TBC1D4: variants seen among roughly 807,000 people sequenced by gnomAD.
TBC1D4 encodes the protein TBC (Tre-2, BUB2, CDC16) domain-containing protein.
TBC1D4 carries 121 observed loss-of-function variants against 142.5 expected under a neutral mutation model. The observed-to-expected ratio is 0.85, with a 90% CI of 0.73 to 0.99. TBC1D4 has a LOEUF of 0.99. Ranked by LOEUF, TBC1D4 falls within the 50% of genes least tolerant of loss-of-function variation. TBC1D4 has a pLI of 0.00. For synonymous variants in TBC1D4, 630 were observed against 628.2 expected, an observed-to-expected ratio of 1.00 and a Z score of -0.04; for missense variants, 1,475 against 1,606.6, an observed-to-expected ratio of 0.92 and a Z score of 1.40.
chr13:75,393,116 TAC>T (rs34205789), intron 1 of TBC1D4, among the ~76,000 whole-genome samples: 29,400 of 141,178 alleles, frequency 0.21, 2,991 homozygotes, highest in Middle Eastern at 0.27. Context: ...TAAATTAAAA[TAC>T]ACACACACAC....
intron 8 of TBC1D4, among the ~76,000 whole-genome samples, chr13:75,334,465 TATATA>T (rs67360637): frequency 0.34 from 52,160 of 151,612 alleles, 9,757 homozygotes; most frequent in Non-Finnish European, 0.43. Context: ...TATGATTGTA[TATATA>T]ATATGTCTAT....
At chr13:75,390,732 A>T (rs1884428168) in intron 1 of TBC1D4, among the ~76,000 whole-genome samples, 1 of 152,004 alleles carries the variant, frequency 6.6e-6, no homozygotes, top group African/African-American at 2.4e-5. Flanking sequence ...AAGGAATATA[A>T]GGCAGCAATT....
intron 16 of TBC1D4, among the ~76,000 whole-genome samples, chr13:75,300,656 C>G (rs891464786): frequency 2.6e-5 from 4 of 152,198 alleles, no homozygotes; most frequent in Admixed American, 2.0e-4. Context: ...GTTTTACTTT[C>G]TCACTTAAAA....
At chr13:75,318,846 A>G (rs551302967) in intron 12 of TBC1D4, among the ~76,000 whole-genome samples, 34 of 152,218 alleles carry the variant, frequency 2.2e-4, no homozygotes, top group Non-Finnish European at 4.3e-4. Context: ...TTTTAAGAAA[A>G]TAAGTTTAGT....
rs1278834198 is a variant in TBC1D4, at chr13:75,285,527, G to C, written c.*1265C>G. The C allele has an allele frequency of 6.6e-6, 1 of 152,584 alleles. No homozygotes were observed. The highest frequency in any genetic ancestry group is 1.5e-5 in the Non-Finnish European group (1 of 68,034). 9.5% of individuals were successfully genotyped at this position (152,584 alleles called of 1,614,324 possible). ...CTTTCCTTGCCTATACCCAGCATGC[G>C]TGAATGTCATCTAATGAGCTATTTG... On this transcript the variant is annotated 3_prime_UTR_variant, in exon 21 of 21. Transcript: ENST00000377636.
At chr13:75,358,052 A>G (rs1402555278) in intron 3 of TBC1D4, among the ~76,000 whole-genome samples, 1 of 150,922 alleles carries the variant, frequency 6.6e-6, no homozygotes, top group Admixed American at 6.6e-5. Context: ...TCTCACCAGG[A>G]GGCTTGAGGA....
chr13:75,405,806 A>C (rs1025931226), intron 1 of TBC1D4, among the ~76,000 whole-genome samples: 1 of 143,276 alleles, frequency 7.0e-6, no homozygotes, highest in Admixed American at 7.5e-5. Flanking sequence ...GTACAAAATA[A>C]AGCACAGTTT....
In TBC1D4 at chr13:75,289,239, CA is replaced by C. The variant is rs76337242; in HGVS notation, c.3487-130del. On this transcript the variant is annotated intron_variant, in intron 19 of 20. Coordinates refer to ENST00000377636, the MANE Select transcript of TBC1D4 (RefSeq NM_014832.5). Reference sequence around the variant, plus strand: ...TGAAGAACATTAAAGCATAAAAAAGCAAAAAAAAAGTGTAACTGTCAATACA... The same window carrying C: ...TGAAGAACATTAAAGCATAAAAAAGCAAAAAAAAGTGTAACTGTCAATACA... 7.4e-3 allele frequency: 7,797 copies of C among 1,053,676 alleles called. 248 individuals carry two copies. The African/African-American group carries it at 0.082, about 11-fold the overall frequency. The allele number at this position is 1,053,676 out of a possible 1,614,324, so 65.3% of individuals were successfully genotyped here. A position where few individuals can be genotyped will look rare whatever the true frequency, so the allele number is the denominator to read the frequency against.
intron 11 of TBC1D4, among the ~76,000 whole-genome samples, chr13:75,320,725 T>C (rs1878679504): frequency 6.6e-6 from 1 of 151,756 alleles, no homozygotes; most frequent in African/African-American, 2.4e-5. Context: ...ATAATGTGCT[T>C]TTAAAAAAGT....
At chr13:75,359,242 C>T (rs1013773338) in intron 3 of TBC1D4, among the ~76,000 whole-genome samples, 1 of 152,042 alleles carries the variant, frequency 6.6e-6, no homozygotes, top group East Asian at 1.9e-4. Context: ...ACATAATTGG[C>T]TGTATTATTT....
At chr13:75,293,690 T>C (rs1177625917) in intron 18 of TBC1D4, among the ~76,000 whole-genome samples, 1 of 152,232 alleles carries the variant, frequency 6.6e-6, no homozygotes, top group African/African-American at 2.4e-5. Context: ...CTTTACTCTT[T>C]TGCTGCATTT....
intron 1 of TBC1D4, among the ~76,000 whole-genome samples, chr13:75,363,954 G>A (rs1882741017): frequency 6.6e-6 from 1 of 152,220 alleles, no homozygotes; most frequent in Non-Finnish European, 1.5e-5. Flanking sequence ...GAGGTTCTGA[G>A]AACATGTGCC....
chr13:75,302,346 T>C lies in TBC1D4; in HGVS notation c.2808A>G (p.Arg936=). Residue 936 remains arginine, a synonymous_variant, in exon 16 of 21, where the codon CGA becomes CGG. Transcript: ENST00000377636. ...GTTTATTAGGCAATCTGTGTCTGAG[T>C]CGGTACTGTAAAGCCAGAAACTGCC... is the stretch of plus-strand genomic sequence containing the variant. ...EIWQFLALQY[R]LRHRLPNKQQ... is the part of the protein sequence containing the mutation. 1 of 1,614,136 alleles carries C rather than the reference T, an allele frequency of 6.2e-7. No individual in the cohort carries two copies. The highest frequency in any genetic ancestry group is 8.5e-7 in the Non-Finnish European group (1 of 1,180,022).
At chr13:75,395,154 T>C (rs896648956) in intron 1 of TBC1D4, among the ~76,000 whole-genome samples, 5 of 152,196 alleles carry the variant, frequency 3.3e-5, no homozygotes, top group Non-Finnish European at 5.9e-5. Context: ...GAGACAGACA[T>C]GGTAGGACAA....
chr13:75,411,386 T>C (rs1031806075), intron 1 of TBC1D4, among the ~76,000 whole-genome samples: 4 of 152,158 alleles, frequency 2.6e-5, no homozygotes, highest in Admixed American at 2.6e-4. Context: ...CCACAAACAT[T>C]TGGAGTAAAG....
At position 75,341,549 on chromosome 13, in the gene TBC1D4, G is replaced by A. The variant is rs1284649325; in HGVS notation, c.1447C>T (p.His483Tyr). Reference protein sequence around the residue: ...PPRAKLVIQRHLSSLTDNEQA... With the variant: ...PPRAKLVIQRYLSSLTDNEQA... ...TCATTATCTGTCAGTGATGAGAGAT[G>A]CCTCTGTATCACCAGCTTGGCTCTT... Residue 483 changes from histidine (H) to tyrosine (Y), a missense_variant, in exon 6 of 21, where the codon CAT becomes TAT. Around this residue, in one of 2 missense-constraint regions of TBC1D4, gnomAD observed 1,227 missense variants for 1,267.7 expected, o/e 0.97. Coordinates refer to ENST00000377636, the MANE Select transcript of TBC1D4 (RefSeq NM_014832.5). 3 of 1,613,918 alleles carry A rather than the reference G, an allele frequency of 1.9e-6. No homozygotes were observed. The highest frequency in any genetic ancestry group is 2.5e-6 in the Non-Finnish European group (3 of 1,180,008).
At chr13:75,448,689 C>T (rs1887403245) in intron 1 of TBC1D4, among the ~76,000 whole-genome samples, 1 of 151,682 alleles carries the variant, frequency 6.6e-6, no homozygotes, top group African/African-American at 2.4e-5. Context: ...AACCAAACAC[C>T]GTAGATGAAT....
At chr13:75,293,764 TATC>T (rs766564294) in intron 18 of TBC1D4, among the ~76,000 whole-genome samples, 92 of 152,322 alleles carry the variant, frequency 6.0e-4, no homozygotes, top group Non-Finnish European at 1.1e-3. Flanking sequence ...ATAAGAAAGA[TATC>T]ATATGTTGTA....
chr13:75,475,969 G>A (rs1356381383), intron 1 of TBC1D4, among the ~76,000 whole-genome samples: 1 of 152,176 alleles, frequency 6.6e-6, no homozygotes, highest in African/African-American at 2.4e-5. Context: ...CTGGCTGGGT[G>A]CAGAGGCTCA....
Sources: allele counts gnomAD v4.1 joint callset (sites outside exome capture counted in the v4.1 genomes callset), GRCh38; gene constraint gnomAD v4.1.1; regional missense constraint gnomAD v4.1.1; transcripts MANE v1.5; gene names NCBI Gene and HGNC (gene_info 2026-07-23, HGNC 2026-07-21).